The following IMMP2L variants were observed in gnomAD, a reference collection of about 807,000 sequenced individuals.
IMMP2L encodes inner mitochondrial membrane peptidase subunit 2.
In IMMP2L, 18 loss-of-function variants were observed where a neutral mutation model predicts 19.3. The observed-to-expected ratio is 0.93, with a 90% CI of 0.64 to 1.38. The LOEUF (loss-of-function observed/expected upper bound fraction) is 1.38. Among genes scored for constraint, IMMP2L ranks in the 40% most tolerant of loss-of-function variants. The pLI, the probability that IMMP2L is intolerant of heterozygous loss-of-function variation, is 0.00. For missense variants in IMMP2L, 233 were observed against 218.2 expected, an observed-to-expected ratio of 1.07 and a Z score of -0.43; for synonymous variants, 76 against 73.0, an observed-to-expected ratio of 1.04 and a Z score of -0.21.
intron 3 of IMMP2L, among the ~76,000 whole-genome samples, chr7:111,486,741 G>C (rs1222713632): frequency 6.6e-6 from 1 of 152,068 alleles, no homozygotes; most frequent in Admixed American, 6.5e-5. Context: ...TATTATAACA[G>C]TGAAACAGTG....
chr7:111,518,574 T>C (rs917356293), intron 2 of IMMP2L, among the ~76,000 whole-genome samples: 3 of 152,136 alleles, frequency 2.0e-5, no homozygotes, highest in African/African-American at 4.8e-5. Context: ...GAAGAATTTA[T>C]CCCAATTGTC....
chr7:111,080,459 T>C (rs1795793312), intron 3 of IMMP2L, among the ~76,000 whole-genome samples: 1 of 150,832 alleles, frequency 6.6e-6, no homozygotes, highest in Admixed American at 6.7e-5. Flanking sequence ...TAAATATATG[T>C]ATATTCTTAT....
chr7:111,471,278 T>C (rs1031127146), intron 3 of IMMP2L, among the ~76,000 whole-genome samples: 24 of 152,208 alleles, frequency 1.6e-4, no homozygotes, highest in African/African-American at 5.8e-4. Context: ...GAGCAAAATG[T>C]ACTGATTTAC....
intron 5 of IMMP2L, among the ~76,000 whole-genome samples, chr7:110,690,660 C>A (rs1032251064): frequency 4.6e-5 from 7 of 152,090 alleles, no homozygotes; most frequent in African/African-American, 7.2e-5. Context: ...TATATACCAA[C>A]AGTGACCTAG....
Position 111,392,857 on chromosome 7 carries a change from T to C in IMMP2L, c.239+94381A>G, listed in dbSNP as rs893706078. 6 of 456,484 alleles carry C rather than the reference T, an allele frequency of 1.3e-5. 1 individual carries two copies. Among genetic ancestry groups the C allele is most frequent in the Non-Finnish European group, 2.6e-5 (6 of 226,908 alleles). 28.3% of individuals were successfully genotyped at this position (456,484 alleles called of 1,614,324 possible). A position where few individuals can be genotyped will look rare whatever the true frequency, so the allele number is the denominator to read the frequency against. On this transcript the variant is annotated intron_variant, in intron 3 of 5. Transcript: ENST00000405709. Reference sequence around the variant, plus strand: ...GAAGAGCCAGATGAGGAGGTAAATCTAGTGAGGTCTGGAAGGGTCCAGAGC... The same window carrying C: ...GAAGAGCCAGATGAGGAGGTAAATCCAGTGAGGTCTGGAAGGGTCCAGAGC...
chr7:111,381,589 C>T (rs1831209491), intron 3 of IMMP2L, among the ~76,000 whole-genome samples: 1 of 151,894 alleles, frequency 6.6e-6, no homozygotes, highest in Admixed American at 6.6e-5. Context: ...GAGGAAAATA[C>T]ACTAACAATG....
In IMMP2L at chr7:111,227,644, A is replaced by G. The variant is rs6966306; in HGVS notation, c.239+259594T>C. On this transcript the variant is annotated intron_variant, in intron 3 of 5. Transcript: ENST00000405709. ...CTGAGGAGAAACACTTAATAAAGCT[A>G]CTCCCATACTCTGCATAAGCCAGAA... 3.6e-3 allele frequency among the ~76,000 whole-genome samples: 545 copies of G among 152,154 alleles called. 4 individuals are homozygous for G. Among genetic ancestry groups the G allele is most frequent in the African/African-American group, 0.012 (515 of 41,524 alleles).
At chr7:111,420,941 C>G (rs1713936022) in intron 3 of IMMP2L, among the ~76,000 whole-genome samples, 1 of 151,826 alleles carries the variant, frequency 6.6e-6, no homozygotes, top group African/African-American at 2.4e-5. Context: ...ACCGCTGGGT[C>G]AAATGGTAAT....
At chr7:111,068,190 T>G (rs1390738103) in intron 3 of IMMP2L, among the ~76,000 whole-genome samples, 1 of 152,094 alleles carries the variant, frequency 6.6e-6, no homozygotes, top group African/African-American at 2.4e-5. Flanking sequence ...CCACAGAGAA[T>G]ACAGACTAAG....
chr7:111,484,579 G>A (rs928088491), intron 3 of IMMP2L, among the ~76,000 whole-genome samples: 1 of 151,930 alleles, frequency 6.6e-6, no homozygotes, highest in Non-Finnish European at 1.5e-5. Flanking sequence ...TAAATAAATA[G>A]GATGTTCCAA....
At chr7:111,410,629 C>T (rs1173460034) in intron 3 of IMMP2L, among the ~76,000 whole-genome samples, 1 of 150,962 alleles carries the variant, frequency 6.6e-6, no homozygotes, top group Non-Finnish European at 1.5e-5. Context: ...ACAAAATTAA[C>T]ATTAAAAGGC....
chr7:111,242,982 A>G (rs1159502043), intron 3 of IMMP2L, among the ~76,000 whole-genome samples: 1 of 152,116 alleles, frequency 6.6e-6, no homozygotes, highest in African/African-American at 2.4e-5. Context: ...GGGAAGAAAA[A>G]GGAGATCTTA....
chr7:110,904,066 CA>C (rs1481476389), intron 4 of IMMP2L, among the ~76,000 whole-genome samples: 1 of 151,878 alleles, frequency 6.6e-6, no homozygotes, highest in African/African-American at 2.4e-5. Flanking sequence ...ATTTTCTGAT[CA>C]AATTTTTTGG....
intron 5 of IMMP2L, among the ~76,000 whole-genome samples, chr7:110,862,552 C>T (rs184638031): frequency 3.3e-5 from 5 of 151,198 alleles, no homozygotes; most frequent in South Asian, 2.1e-4. Flanking sequence ...CAGTGTGTTG[C>T]GCAGGCTGGC....
chr7:111,501,061 G>C (rs1162818944), intron 2 of IMMP2L, among the ~76,000 whole-genome samples: 1 of 152,180 alleles, frequency 6.6e-6, no homozygotes, highest in Non-Finnish European at 1.5e-5. Context: ...TGGCAAAGAA[G>C]TTAAAAACTT....
At chr7:110,892,785 A>G (rs1021039162) in intron 4 of IMMP2L, among the ~76,000 whole-genome samples, 29 of 152,194 alleles carry the variant, frequency 1.9e-4, no homozygotes, top group Non-Finnish European at 3.5e-4. Context: ...AATTTACATG[A>G]AATAGAATTC....
chr7:111,220,746 G>A (rs1191078657), intron 3 of IMMP2L, among the ~76,000 whole-genome samples: 1 of 151,930 alleles, frequency 6.6e-6, no homozygotes, highest in South Asian at 2.1e-4. Flanking sequence ...ACTGAAAGCT[G>A]GAGCCTCAGG....
At chr7:111,282,771 A>T (rs1820040166) in intron 3 of IMMP2L, among the ~76,000 whole-genome samples, 1 of 152,038 alleles carries the variant, frequency 6.6e-6, no homozygotes, top group African/African-American at 2.4e-5. Context: ...TTTTATAGAG[A>T]CTGGGTTTCA....
intron 3 of IMMP2L, among the ~76,000 whole-genome samples, chr7:111,068,541 T>C (rs969790463): frequency 1.3e-5 from 2 of 152,100 alleles, no homozygotes; most frequent in African/African-American, 4.8e-5. Flanking sequence ...AGATGTAGGG[T>C]TTAAAATTTA....
Sources: allele counts gnomAD v4.1 joint callset (sites outside exome capture counted in the v4.1 genomes callset), GRCh38; gene constraint gnomAD v4.1.1; transcripts MANE v1.5; gene names NCBI Gene and HGNC (gene_info 2026-07-23, HGNC 2026-07-21).